Variants in ADGRL2 observed in about 807,000 individuals in gnomAD.
The protein encoded by ADGRL2 is calcium-independent alpha-latrotoxin receptor 2.
In ADGRL2, 44 loss-of-function variants were observed where a neutral mutation model predicts 157.4. The observed-to-expected ratio is 0.28, with a 90% CI of 0.22 to 0.36. The LOEUF (loss-of-function observed/expected upper bound fraction) is 0.36, where lower values mean the gene tolerates loss of function less well. Among genes scored for constraint, ADGRL2 ranks in the 10% least tolerant of loss-of-function variants. ADGRL2 has a pLI of 1.00. For synonymous variants in ADGRL2, 585 were observed against 624.7 expected, an observed-to-expected ratio of 0.94 and a Z score of 0.95; for missense variants, 1,510 against 1,768.9, an observed-to-expected ratio of 0.85 and a Z score of 2.63.
chr1:81,403,306 C>T (rs2076793579), intron 1 of ADGRL2, among the ~76,000 whole-genome samples: 1 of 151,844 alleles, frequency 6.6e-6, no homozygotes, highest in Non-Finnish European at 1.5e-5. Context: ...CCTCTGTTGC[C>T]CAGACTGGAG....
At chr1:81,973,941 A>C (rs924983168) in intron 17 of ADGRL2, among the ~76,000 whole-genome samples, 6 of 75,950 alleles carry the variant, frequency 7.9e-5, no homozygotes, top group Non-Finnish European at 1.5e-4. Context: ...TGGGGAAAAA[A>C]TATATATATA....
chr1:81,693,545 A>G (rs1216046826), intron 3 of ADGRL2, among the ~76,000 whole-genome samples: 5 of 152,224 alleles, frequency 3.3e-5, no homozygotes, highest in Non-Finnish European at 5.9e-5. Context: ...ACTTCATAAT[A>G]AAGATTTTGG....
intron 2 of ADGRL2, among the ~76,000 whole-genome samples, chr1:81,507,228 G>A (rs941910702): frequency 1.3e-5 from 2 of 152,164 alleles, no homozygotes; most frequent in East Asian, 1.9e-4. Flanking sequence ...GGAAGCCCCA[G>A]GGAGTATGAG....
intron 3 of ADGRL2, among the ~76,000 whole-genome samples, chr1:81,609,581 G>T (rs2081500306): frequency 6.6e-6 from 1 of 152,162 alleles, no homozygotes; most frequent in African/African-American, 2.4e-5. Flanking sequence ...TGAGAGAGTT[G>T]ATAAAACCCG....
chr1:81,939,927 A>T (rs1175684515), intron 4 of ADGRL2, among the ~76,000 whole-genome samples: 1 of 151,220 alleles, frequency 6.6e-6, no homozygotes, highest in African/African-American at 2.4e-5. Context: ...TAATATTTTA[A>T]ATCTTTACTT....
chr1:81,314,117 G>C (rs1659945139), intron 1 of ADGRL2, among the ~76,000 whole-genome samples: 1 of 152,114 alleles, frequency 6.6e-6, no homozygotes, highest in African/African-American at 2.4e-5. Flanking sequence ...CAACCCCCTG[G>C]TGTTAATCAT....
At chr1:81,472,627 C>A in intron 2 of ADGRL2, among the ~76,000 whole-genome samples, 1 of 150,746 alleles carries the variant, frequency 6.6e-6, no homozygotes, top group Non-Finnish European at 1.5e-5. Context: ...CAGAGCAAGA[C>A]TCTGAAAAAA....
intron 2 of ADGRL2, among the ~76,000 whole-genome samples, chr1:81,852,441 A>T (rs1193926763): frequency 5.3e-5 from 8 of 152,234 alleles, no homozygotes; most frequent in South Asian, 2.1e-4. Flanking sequence ...TGGGAAAAAA[A>T]TTTTTAAAAA....
chr1:81,652,818 G>A (rs962347176), intron 3 of ADGRL2, among the ~76,000 whole-genome samples: 1 of 152,172 alleles, frequency 6.6e-6, no homozygotes, highest in Non-Finnish European at 1.5e-5. Context: ...TCCCCAGAGT[G>A]AGGGGGTGAT....
chr1:81,323,411 ATTTTTTTTTTT>A (rs138358062), intron 1 of ADGRL2, among the ~76,000 whole-genome samples: 1 of 109,744 alleles, frequency 9.1e-6, no homozygotes, highest in African/African-American at 3.6e-5. Context: ...GACTAATTCA[ATTTTTTTTTTT>A]TTTTTTTTTT....
chr1:81,590,867 T>C (rs933128580), intron 3 of ADGRL2, among the ~76,000 whole-genome samples: 1 of 152,072 alleles, frequency 6.6e-6, no homozygotes, highest in African/African-American at 2.4e-5. Flanking sequence ...TTGCTAGGTA[T>C]TAAATCCTGT....
chr1:81,857,537 G>A (rs1316738871), intron 2 of ADGRL2, among the ~76,000 whole-genome samples: 1 of 152,016 alleles, frequency 6.6e-6, no homozygotes, highest in African/African-American at 2.4e-5. Context: ...AGATATTTTG[G>A]CATTGCGTAG....
rs1220036639 is a variant in ADGRL2 at position 81,859,543 on chromosome 1, A to G, written c.73+22486A>G. 2.0e-5 allele frequency among the ~76,000 whole-genome samples: 3 copies of G among 151,054 alleles called. No homozygotes were observed. In the East Asian group the frequency reaches 5.9e-4, roughly 30 times the overall value. Reference sequence around the variant, plus strand: ...CACCTCAGCCTCCTGAATAGCTGGGACTACATGTGTGCACCACCACGCTCG... The same window carrying G: ...CACCTCAGCCTCCTGAATAGCTGGGGCTACATGTGTGCACCACCACGCTCG... On this transcript the variant is annotated intron_variant, in intron 2 of 23. Transcript: ENST00000686636.
At chr1:81,878,627 A>G (rs2093903406) in intron 2 of ADGRL2, among the ~76,000 whole-genome samples, 1 of 152,214 alleles carries the variant, frequency 6.6e-6, no homozygotes, top group Admixed American at 6.5e-5. Context: ...TTGTCTTCAG[A>G]AAAGAAATTA....
chr1:81,713,884 A>G (rs2084019165), intron 1 of ADGRL2, among the ~76,000 whole-genome samples: 1 of 152,218 alleles, frequency 6.6e-6, no homozygotes, highest in South Asian at 2.1e-4. Context: ...GCTAATAAAG[A>G]CATACCGGAG....
intron 2 of ADGRL2, among the ~76,000 whole-genome samples, chr1:81,851,409 A>G (rs889538293): frequency 6.6e-6 from 1 of 151,854 alleles, no homozygotes; most frequent in African/African-American, 2.4e-5. Flanking sequence ...GTTAAAAATG[A>G]TGAGTAATGA....
chr1:81,361,936 G>C (rs962615990), intron 1 of ADGRL2, among the ~76,000 whole-genome samples: 28 of 151,202 alleles, frequency 1.9e-4, no homozygotes, highest in Non-Finnish European at 3.1e-4. Flanking sequence ...CATACACTAT[G>C]GTTTTTTTTT....
chr1:81,950,793 T>G (rs1039139949), intron 7 of ADGRL2, among the ~76,000 whole-genome samples: 1 of 152,146 alleles, frequency 6.6e-6, no homozygotes, highest in Non-Finnish European at 1.5e-5. Flanking sequence ...CCAAGAAAAT[T>G]AAGGGTTTTT....
At chr1:81,899,353 GTAGCAGTGCATCTGTTTAT>G (rs942573861) in intron 2 of ADGRL2, among the ~76,000 whole-genome samples, 4 of 152,158 alleles carry the variant, frequency 2.6e-5, no homozygotes, top group Non-Finnish European at 5.9e-5. Flanking sequence ...TTCCCATCCG[GTAGCAGTGCATCTGTTTAT>G]TAGGAATTAC....
Sources: allele counts gnomAD v4.1 joint callset (sites outside exome capture counted in the v4.1 genomes callset), GRCh38; gene constraint gnomAD v4.1.1; transcripts MANE v1.5; gene names NCBI Gene and HGNC (gene_info 2026-07-23, HGNC 2026-07-21).